The following TRPM3 variants were observed in gnomAD, a reference collection of about 807,000 sequenced individuals.
The protein encoded by TRPM3 is transient receptor potential cation channel subfamily M member 3.
A neutral mutation model predicts 181.2 loss-of-function variants in TRPM3; 77 were observed. That is an observed-to-expected ratio of 0.42 (90% CI 0.35 to 0.51). The LOEUF (loss-of-function observed/expected upper bound fraction) is 0.51, where lower values mean the gene tolerates loss of function less well. Among genes scored for constraint, TRPM3 ranks in the 20% least tolerant of loss-of-function variants. The pLI is 0.01. For synonymous variants in TRPM3, 745 were observed against 796.4 expected (o/e 0.94, Z 1.09); for missense variants, 1,759 against 2,196.7 (o/e 0.80, Z 3.98).
At chr9:70,869,752 A>G (rs1430648310) in intron 1 of TRPM3, among the ~76,000 whole-genome samples, 1 of 152,028 alleles carries the variant, frequency 6.6e-6, no homozygotes, top group East Asian at 1.9e-4. Context: ...CCTTATTAAA[A>G]AGAGGTGAGC....
chr9:71,197,081 T>A (rs1295333114), intron 1 of TRPM3, among the ~76,000 whole-genome samples: 2 of 152,156 alleles, frequency 1.3e-5, no homozygotes, highest in African/African-American at 4.8e-5. Context: ...CCATGTGTTC[T>A]CATTGTTCAA....
chr9:71,051,303 ACAGTTTACTG>A (rs2060031429), intron 1 of TRPM3, among the ~76,000 whole-genome samples: 1 of 152,202 alleles, frequency 6.6e-6, no homozygotes, highest in African/African-American at 2.4e-5. Flanking sequence ...TAAGTGCTAA[ACAGTTTACTG>A]CAGTTTACTA....
At chr9:71,011,600 C>T (rs886282337) in intron 1 of TRPM3, among the ~76,000 whole-genome samples, 1 of 151,772 alleles carries the variant, frequency 6.6e-6, no homozygotes, top group African/African-American at 2.4e-5. Context: ...GTTATATCTG[C>T]AAGTATTTTC....
At chr9:70,743,753 A>C (rs2074597088) in intron 8 of TRPM3, among the ~76,000 whole-genome samples, 1 of 152,100 alleles carries the variant, frequency 6.6e-6, no homozygotes, top group African/African-American at 2.4e-5. Context: ...AGTCTCTAGG[A>C]AGACCTTCCT....
At chr9:70,554,563 A>T (rs1281872042) in intron 22 of TRPM3, among the ~76,000 whole-genome samples, 1 of 152,166 alleles carries the variant, frequency 6.6e-6, no homozygotes, top group Admixed American at 6.5e-5. Context: ...AGCTCTAAAA[A>T]ATACCAATGC....
rs769024160 is a variant in TRPM3, at chr9:70,610,736, C to T, written c.2540G>A (p.Arg847Gln). ...CTTCCTGGAGGACTCCCCGTTGTTT[C>T]GTCCCAACATTGCCTATGTTGGAAG... is the stretch of plus-strand genomic sequence containing the variant. ...EDMELTAMLGRNNGESSRKKD... is the reference protein window; with the variant it reads ...EDMELTAMLGQNNGESSRKKD... The change falls in exon 19 of 26, where the codon CGA becomes CAA. Residue 847 changes from arginine to glutamine, a missense_variant. Transcript: ENST00000677713. The T allele has an allele frequency of 8.7e-6, 14 of 1,613,994 alleles. No homozygotes were observed. Among genetic ancestry groups the T allele is most frequent in the East Asian group, 6.7e-5 (3 of 44,890 alleles).
At chr9:71,142,842 T>C (rs1405237333) in intron 1 of TRPM3, among the ~76,000 whole-genome samples, 1 of 144,352 alleles carries the variant, frequency 6.9e-6, no homozygotes, top group Non-Finnish European at 1.5e-5. Context: ...TGGTGGCTCA[T>C]GTCTGTAATC....
Position 71,368,014 on chromosome 9 carries a change from G to T in TRPM3, c.183+78639C>A, listed in dbSNP as rs531063880. On this transcript the variant is annotated intron_variant, in intron 1 of 24. Transcript: ENST00000357533. ...TGTGCACACACACATGTGAGTGTAT[G>T]TGTACACACACACATATGAGTATGT... 3.3e-5 allele frequency among the ~76,000 whole-genome samples: 5 copies of T among 151,916 alleles called. No homozygotes were observed. In the South Asian group the frequency reaches 8.3e-4, roughly 25 times the overall value.
At position 70,827,889 on chromosome 9, in the gene TRPM3, T is replaced by G; in HGVS notation, c.931A>C (p.Arg311=). Residue 311 remains arginine (R), a synonymous_variant, in exon 6 of 26, where the codon AGA becomes CGA. Coordinates refer to ENST00000677713, the MANE Select transcript of TRPM3 (RefSeq NM_001366145.2). The stretch of plus-strand genomic sequence containing the variant: ...AGTGAAATATGCTTTTCCAGTTGTC[T>G]TCGAAGTTTCACCTCTGCTCCATAT... The part of the protein sequence containing the change: ...GKYGAEVKLR[R]QLEKHISLQK... 3.1e-6 allele frequency: 5 copies of G among 1,614,146 alleles called. No individual in the cohort carries two copies. Among genetic ancestry groups the G allele is most frequent in the Non-Finnish European group, 4.2e-6 (5 of 1,179,982 alleles).
intron 1 of TRPM3, among the ~76,000 whole-genome samples, chr9:70,995,829 T>C: frequency 6.6e-6 from 1 of 152,210 alleles, no homozygotes; most frequent in East Asian, 1.9e-4. Flanking sequence ...CACAAATGCT[T>C]ATTTACTTAA....
chr9:70,763,025 C>G (rs2078428936), intron 7 of TRPM3, among the ~76,000 whole-genome samples: 1 of 152,132 alleles, frequency 6.6e-6, no homozygotes, highest in Non-Finnish European at 1.5e-5. Context: ...TTATCAGTGA[C>G]CTGCTGTGCT....
intron 21 of TRPM3, among the ~76,000 whole-genome samples, chr9:70,597,857 T>A (rs948297147): frequency 2.0e-5 from 3 of 152,200 alleles, no homozygotes; most frequent in African/African-American, 7.2e-5. Context: ...TCAGCACAAA[T>A]AAATTATGTT....
chr9:71,166,942 A>T (rs2076569246), intron 1 of TRPM3, among the ~76,000 whole-genome samples: 1 of 152,194 alleles, frequency 6.6e-6, no homozygotes, highest in Admixed American at 6.5e-5. Flanking sequence ...AAATAATATG[A>T]AAATGTCCCA....
At chr9:71,423,126 A>G (rs1045884835) in intron 1 of TRPM3, among the ~76,000 whole-genome samples, 11 of 152,044 alleles carry the variant, frequency 7.2e-5, no homozygotes, top group African/African-American at 2.7e-4. Flanking sequence ...AAAATTCTGG[A>G]GTTTTTCTTT....
chr9:71,380,982 T>G (rs2092786798), intron 1 of TRPM3, among the ~76,000 whole-genome samples: 1 of 150,284 alleles, frequency 6.7e-6, no homozygotes, highest in African/African-American at 2.4e-5. Flanking sequence ...GAACCACTCC[T>G]GTATCCACTG....
intron 5 of TRPM3, among the ~76,000 whole-genome samples, chr9:70,834,669 C>T (rs1349757468): frequency 3.3e-5 from 5 of 152,086 alleles, no homozygotes; most frequent in African/African-American, 7.2e-5. Context: ...CTGAAGCAGC[C>T]GTGTAGAGAG....
chr9:70,661,062 A>AGCATATCACAAAGATAATGCAT (rs2061064818), intron 9 of TRPM3, among the ~76,000 whole-genome samples: 1 of 152,242 alleles, frequency 6.6e-6, no homozygotes, highest in Non-Finnish European at 1.5e-5. Flanking sequence ...TAAATCCAAC[A>AGCATATCACAAAGATAATGCAT]GCATATCACA....
At chr9:70,818,451 GC>G (rs2092889748) in intron 6 of TRPM3, among the ~76,000 whole-genome samples, 1 of 152,146 alleles carries the variant, frequency 6.6e-6, no homozygotes, top group South Asian at 2.1e-4. Flanking sequence ...CAGGTAAAGC[GC>G]CCACATTTCT....
intron 1 of TRPM3, among the ~76,000 whole-genome samples, chr9:70,966,290 T>C (rs2097184855): frequency 6.6e-6 from 1 of 152,116 alleles, no homozygotes; most frequent in Admixed American, 6.6e-5. Flanking sequence ...GTTACACCAT[T>C]GGTGGGAGTG....
Sources: gnomAD v4.1 joint callset for allele counts (sites outside exome capture counted in the v4.1 genomes callset) on GRCh38, gnomAD v4.1.1 for gene constraint, MANE v1.5 for transcripts, NCBI Gene and HGNC (gene_info 2026-07-23, HGNC 2026-07-21) for gene names.